Variants in SOX5 observed in about 807,000 individuals in gnomAD.
The protein encoded by SOX5 is SRY-box transcription factor 5.
A neutral mutation model predicts 92.0 loss-of-function variants in SOX5; 9 were observed. The ratio of observed to expected loss-of-function variants is 0.10; its 90% CI spans 0.06 to 0.17. SOX5 has a LOEUF of 0.17. Among genes scored for constraint, SOX5 ranks in the 10% least tolerant of loss-of-function variants. The pLI is 1.00. For synonymous variants in SOX5, 344 were observed against 336.3 expected (o/e 1.02, Z -0.25); for missense variants, 642 against 944.5 (o/e 0.68, Z 4.20).
intron 4 of SOX5, among the ~76,000 whole-genome samples, chr12:23,752,144 G>C (rs185509258): frequency 2.7e-5 from 4 of 147,538 alleles, no homozygotes; most frequent in Non-Finnish European, 6.0e-5. Context: ...AACTGGTCTA[G>C]AATTTTTGTT....
At chr12:24,195,859 A>G (rs967534436) in intron 4 of SOX5, among the ~76,000 whole-genome samples, 2 of 152,116 alleles carry the variant, frequency 1.3e-5, no homozygotes, top group Non-Finnish European at 2.9e-5. Flanking sequence ...TATAGTCTCC[A>G]TACATAAACT....
chr12:24,426,721 T>C (rs1052162445), intron 1 of SOX5, among the ~76,000 whole-genome samples: 1 of 152,170 alleles, frequency 6.6e-6, no homozygotes, highest in African/African-American at 2.4e-5. Flanking sequence ...TACTGCCCCA[T>C]AGTACACAGA....
intron 6 of SOX5, among the ~76,000 whole-genome samples, chr12:23,700,585 C>T (rs534321563): frequency 6.6e-6 from 1 of 151,838 alleles, no homozygotes; most frequent in African/African-American, 2.4e-5. Flanking sequence ...CTCTCCTGGT[C>T]GTGACTCTCA....
chr12:24,280,247 A>G (rs1313385442), intron 2 of SOX5, among the ~76,000 whole-genome samples: 1 of 152,212 alleles, frequency 6.6e-6, no homozygotes, highest in Non-Finnish European at 1.5e-5. Flanking sequence ...ACTAAAGTGC[A>G]GCACGAGGGA....
chr12:24,217,246 C>A (rs1016104597), intron 3 of SOX5, among the ~76,000 whole-genome samples: 1 of 152,142 alleles, frequency 6.6e-6, no homozygotes, highest in African/African-American at 2.4e-5. Context: ...CTTGGAGACC[C>A]CACTTGCAGT....
upstream of SOX5, chr12:23,949,820 C>CTG: frequency 1.8e-6 from 1 of 560,984 alleles, no homozygotes; most frequent in South Asian, 2.0e-5. Flanking sequence ...CCCCTCCTCT[C>CTG]TCTCCTAGGA....
chr12:24,010,026 AATCACCC>A (rs1952732355), intron 4 of SOX5, among the ~76,000 whole-genome samples: 1 of 152,204 alleles, frequency 6.6e-6, no homozygotes, highest in Admixed American at 6.6e-5. Context: ...ATCTTCATTC[AATCACCC>A]AAATCTAGTC....
chr12:24,524,101 AG>A (rs1950487687), intron 1 of SOX5, among the ~76,000 whole-genome samples: 1 of 152,230 alleles, frequency 6.6e-6, no homozygotes, highest in Non-Finnish European at 1.5e-5. Flanking sequence ...CTGGCATGTG[AG>A]TCAGTGGACA....
At chr12:23,717,422 C>T (rs1240674484) in intron 6 of SOX5, among the ~76,000 whole-genome samples, 6 of 151,958 alleles carry the variant, frequency 3.9e-5, no homozygotes, top group African/African-American at 1.4e-4. Context: ...TTTTCTTTTA[C>T]CCATCAATGA....
chr12:23,568,107 A>G (rs1947468449), intron 10 of SOX5, among the ~76,000 whole-genome samples: 1 of 152,190 alleles, frequency 6.6e-6, no homozygotes, highest in Non-Finnish European at 1.5e-5. Flanking sequence ...ATCACCCTGA[A>G]ATTAGGCTGG....
chr12:24,397,235 C>T (rs949713452), intron 1 of SOX5, among the ~76,000 whole-genome samples: 4 of 151,536 alleles, frequency 2.6e-5, no homozygotes, highest in South Asian at 2.1e-4. Flanking sequence ...ACAAGTCAAA[C>T]CAGAAAAGGT....
intron 2 of SOX5, among the ~76,000 whole-genome samples, chr12:23,868,903 A>G (rs906103512): frequency 6.6e-6 from 1 of 152,146 alleles, no homozygotes; most frequent in Non-Finnish European, 1.5e-5. Context: ...TGACTCCTCA[A>G]CAACTGTAGA....
chr12:23,595,621 A>AAG (rs1264658958), intron 9 of SOX5, among the ~76,000 whole-genome samples: 61 of 118,852 alleles, frequency 5.1e-4, no homozygotes, highest in Middle Eastern at 4.1e-3. Flanking sequence ...TCTGCCTCAA[A>AAG]AAAAAAAAAA....
At chr12:23,863,990 T>TG (rs1051852509) in intron 2 of SOX5, among the ~76,000 whole-genome samples, 18 of 152,210 alleles carry the variant, frequency 1.2e-4, no homozygotes, top group Non-Finnish European at 2.4e-4. Flanking sequence ...CTTTTTTTTT[T>TG]TTGTTAACAA....
intron 7 of SOX5, among the ~76,000 whole-genome samples, chr12:23,653,101 A>G (rs866910235): frequency 6.0e-5 from 9 of 149,908 alleles, no homozygotes; most frequent in Admixed American, 1.3e-4. Context: ...TATGATCTCA[A>G]TCCTAGGCTT....
At chr12:23,557,137 C>T (rs1018579810) in intron 11 of SOX5, among the ~76,000 whole-genome samples, 6 of 152,110 alleles carry the variant, frequency 3.9e-5, no homozygotes, top group South Asian at 2.1e-4. Flanking sequence ...TTGTAATGGA[C>T]GAGTTTCCAA....
At chr12:24,409,792 T>C (rs1445437797) in intron 1 of SOX5, among the ~76,000 whole-genome samples, 1 of 152,252 alleles carries the variant, frequency 6.6e-6, no homozygotes, top group Non-Finnish European at 1.5e-5. Context: ...GCTATCTGTA[T>C]ATCTTCTCCC....
chr12:24,490,518 T>C (rs1252828910), intron 1 of SOX5, among the ~76,000 whole-genome samples: 1 of 152,166 alleles, frequency 6.6e-6, no homozygotes, highest in Admixed American at 6.5e-5. Context: ...GAAACAGGTA[T>C]GAAACCAGTG....
intron 4 of SOX5, among the ~76,000 whole-genome samples, chr12:23,742,378 C>T (rs964583907): frequency 6.6e-6 from 1 of 152,080 alleles, no homozygotes; most frequent in Non-Finnish European, 1.5e-5. Context: ...AATGCCTATC[C>T]TTATTCAAGG....
Sources: gnomAD v4.1 joint callset for allele counts (sites outside exome capture counted in the v4.1 genomes callset) on GRCh38, gnomAD v4.1.1 for gene constraint, MANE v1.5 for transcripts, NCBI Gene and HGNC (gene_info 2026-07-23, HGNC 2026-07-21) for gene names.